Variants in ZAN observed in about 807,000 individuals in gnomAD.
ZAN encodes the protein zonadhesin, also known as zonadhesin (gene/pseudogene).
In ZAN, 260 loss-of-function variants were observed where a neutral mutation model predicts 286.2. The observed-to-expected ratio is 0.91, with a 90% CI of 0.82 to 1.01. ZAN has a LOEUF of 1.01. ZAN is among the 50% of genes least tolerant of loss of function. ZAN has a pLI of 0.00. For synonymous variants in ZAN, 1,368 were observed against 1,417.5 expected (o/e 0.97, Z 0.79); for missense variants, 3,410 against 3,639.2 (o/e 0.94, Z 1.62).
At chr7:100,759,155 G>T (rs1163618871) in intron 17 of ZAN, among the ~76,000 whole-genome samples, 1 of 151,986 alleles carries the variant, frequency 6.6e-6, no homozygotes. Flanking sequence ...AACCTGGGAG[G>T]CGGAGGTTGC....
At chr7:100,757,011 G>A (rs1206256940) in intron 15 of ZAN, among the ~76,000 whole-genome samples, 2 of 152,152 alleles carry the variant, frequency 1.3e-5, no homozygotes, top group East Asian at 1.9e-4. Flanking sequence ...CAGGCGATCC[G>A]CCCGCCTCAG....
chr7:100,757,144 G>A (rs941245468), intron 15 of ZAN, among the ~76,000 whole-genome samples: 3 of 151,484 alleles, frequency 2.0e-5, no homozygotes, highest in Non-Finnish European at 4.4e-5. Context: ...GTGTTTTTTT[G>A]GTTTGTTTTT....
chr7:100,753,129 A>G lies in ZAN; in HGVS notation c.3024A>G (p.Thr1008=), dbSNP rs1230453624. 1.2e-6 allele frequency: 2 copies of G among 1,613,894 alleles called. No individual in the cohort carries two copies. The highest frequency in any genetic ancestry group is 1.7e-6 in the Non-Finnish European group (2 of 1,179,876). ...TALRPPHPSP[T]ATGLAALVMS... is the part of the protein sequence containing the mutation. Reference sequence around the variant, plus strand: ...TGAGGCCACCCCATCCCAGCCCCACAGCCACTGGGCTGGCAGCCTTGGTGA... The same window carrying G: ...TGAGGCCACCCCATCCCAGCCCCACGGCCACTGGGCTGGCAGCCTTGGTGA... Residue 1008 remains threonine (T), a synonymous_variant, in exon 14 of 48, where the codon ACA becomes ACG. Coordinates refer to ENST00000613979, the MANE Select transcript of ZAN (RefSeq NM_003386.3).
At chr7:100,793,262 C>T (rs1469601070) in intron 42 of ZAN, among the ~76,000 whole-genome samples, 1 of 148,726 alleles carries the variant, frequency 6.7e-6, no homozygotes, top group Non-Finnish European at 1.5e-5. Context: ...TCATTGGAAC[C>T]CAGGAGTTGG....
chr7:100,734,159 T>C lies in ZAN; in HGVS notation c.-10T>C, dbSNP rs1488004295. The C allele has an allele frequency of 6.9e-7, 1 of 1,451,964 alleles. No individual in the cohort carries two copies. The highest frequency in any genetic ancestry group is 2.1e-5 in the Admixed American group (1 of 48,348). The allele number at this position is 1,451,964 out of a possible 1,614,324, so 89.9% of individuals were successfully genotyped here. A position where few individuals can be genotyped will look rare whatever the true frequency, so the allele number is the denominator to read the frequency against. Reference sequence around the variant, plus strand: ...CCCCTCTCCCCTGGGAGCAACCACTTAGGGTCCTCATGGTTCCTCCAGTCT... The same window carrying C: ...CCCCTCTCCCCTGGGAGCAACCACTCAGGGTCCTCATGGTTCCTCCAGTCT... On this transcript the variant is annotated 5_prime_UTR_variant, in exon 2 of 48. Coordinates refer to ENST00000613979, the MANE Select transcript of ZAN (RefSeq NM_003386.3).
intron 27 of ZAN, 115 bp downstream of exon 27, chr7:100,768,836 A>G: frequency 1.2e-6 from 1 of 814,278 alleles, no homozygotes; most frequent in African/African-American, 1.7e-5. Context: ...GTACCTCCCA[A>G]CTGGCAGGAA....
chr7:100,768,701 A>C lies in ZAN; in HGVS notation c.5133A>C (p.Leu1711Phe). Residue 1711 changes from leucine to phenylalanine, a missense_variant, in exon 27 of 48, where the codon TTA (leucine) becomes TTC (phenylalanine). This residue lies in a region of ZAN where 1,042 missense variants were observed against 1,058.0 expected (regional missense o/e 0.98). Coordinates refer to ENST00000613979, the MANE Select transcript of ZAN (RefSeq NM_003386.3). ...TGCAGCTGGGGGCCGCCTGGAAGTTACCTGAATCCTCTGAACCTGGGTGAG... is the reference window on the plus strand; with the variant it reads ...TGCAGCTGGGGGCCGCCTGGAAGTTCCCTGAATCCTCTGAACCTGGGTGAG... ...DSMQLGAAWK[L>F]PESSEPGCFL... 6.2e-7 allele frequency: 1 copy of C among 1,603,610 alleles called. No homozygotes were observed. The highest frequency in any genetic ancestry group is 8.5e-7 in the Non-Finnish European group (1 of 1,175,268).
rs77523702 is a variant in ZAN, at chr7:100,756,136, A to G, written c.3309+726A>G. Among the ~76,000 whole-genome samples the G allele has an allele frequency of 5.2e-3, 788 of 152,350 alleles. 8 individuals are homozygous for G. Among genetic ancestry groups the G allele is most frequent in the African/African-American group, 0.017 (725 of 41,592 alleles). On this transcript the variant is annotated intron_variant, in intron 15 of 47. Transcript: ENST00000613979. ...TCTTTTATCCATATTTATAAAGTGT[A>G]CACAGTAAGATTTTCTACCTCATAT...
At position 100,788,130 on chromosome 7, in the gene ZAN, G is replaced by T; in HGVS notation, c.7221G>T (p.Glu2407Asp). The change falls in exon 38 of 48, where the codon GAG becomes GAT. Residue 2407 changes from glutamate to aspartate, a missense_variant. By Grantham distance (45) the Glu-to-Asp change is conservative (BLOSUM62 2). This residue lies in a region of ZAN where 1,289 missense variants were observed against 1,314.3 expected (regional missense o/e 0.98). Transcript: ENST00000613979. ...GYKVQLQAGL[E>D]LVVNNQKMAV... ...AAGTGCAGCTCCAAGCTGGTCTGGA[G>T]CTTGTGGTAAGAGCTGGGCCAGGGC... 1 of 1,494,334 alleles carries T rather than the reference G, an allele frequency of 6.7e-7. No individual in the cohort carries two copies. The highest frequency in any genetic ancestry group is 2.3e-5 in the East Asian group (1 of 43,072). The allele number at this position is 1,494,334 out of a possible 1,614,324, so 92.6% of individuals were successfully genotyped here.
In ZAN at chr7:100,752,099, C is replaced by G; in HGVS notation, c.1994C>G (p.Thr665Ser). The G allele has an allele frequency of 6.2e-7, 1 of 1,612,686 alleles. No individual in the cohort carries two copies. The highest frequency in any genetic ancestry group is 8.5e-7 in the Non-Finnish European group (1 of 1,179,674). ...TVPTEEPTTP[T>S]EETTTSMEEP... ...CCCACAGAAGAGCCCACCACCCCCA[C>G]TGAGGAGACCACCACCTCCATGGAA... is the stretch of plus-strand genomic sequence containing the variant. Residue 665 changes from threonine to serine, a missense_variant, in exon 14 of 48, where the codon ACT (threonine) becomes AGT (serine). Thr to Ser is a moderately conservative substitution (Grantham distance 58). Transcript: ENST00000613979.
intron 39 of ZAN, 106 bp from the exon 40 acceptor site, chr7:100,790,836 T>G: frequency 7.8e-7 from 1 of 1,276,006 alleles, no homozygotes; most frequent in Non-Finnish European, 1.0e-6. Context: ...TGAGCCAAGA[T>G]CACACAACTG....
intron 39 of ZAN, 81 bp downstream of exon 39, chr7:100,789,428 C>A: frequency 6.4e-7 from 1 of 1,571,310 alleles, no homozygotes; most frequent in Non-Finnish European, 8.6e-7. Context: ...ACAGGCAAAT[C>A]CTGGTGAGCA....
chr7:100,788,026 G>C lies in ZAN; in HGVS notation c.7117G>C (p.Val2373Leu). 1.3e-6 allele frequency: 2 copies of C among 1,569,032 alleles called. No individual in the cohort carries two copies. Among genetic ancestry groups the C allele is most frequent in the Non-Finnish European group, 1.7e-6 (2 of 1,149,408 alleles). ...GCCTGAGGGGGTGGAGCCCCTCCTC[G>C]TGGAAGGACGCAACAAGATGGATCC... ...VLPEGVEPLL[V>L]EGRNKMDPPR... Residue 2373 changes from valine to leucine, a missense_variant, in exon 38 of 48, where the codon GTG becomes CTG. Coordinates refer to ENST00000613979, the MANE Select transcript of ZAN (RefSeq NM_003386.3).
chr7:100,794,750 T>C (rs1261190695), intron 44 of ZAN, among the ~76,000 whole-genome samples: 1 of 151,660 alleles, frequency 6.6e-6, no homozygotes, highest in Non-Finnish European at 1.5e-5. Context: ...GGTGGGAAGA[T>C]CACTTAAGCC....
At position 100,794,169 on chromosome 7, in the gene ZAN, C is replaced by T. The variant is rs879516026; in HGVS notation, c.8036C>T (p.Ala2679Val). 6.2e-7 allele frequency: 1 copy of T among 1,614,026 alleles called. No homozygotes were observed. Among genetic ancestry groups the T allele is most frequent in the Middle Eastern group, 1.7e-4 (1 of 6,060 alleles). Residue 2679 changes from alanine to valine, a missense_variant, in exon 44 of 48, where the codon GCC becomes GTC. Physicochemically the swap from Ala to Val is moderately conservative, Grantham distance 64. This residue lies in a region of ZAN where 1,289 missense variants were observed against 1,314.3 expected (regional missense o/e 0.98). Coordinates refer to ENST00000613979, the MANE Select transcript of ZAN (RefSeq NM_003386.3). ...GACTGCTCTCAGCGGTGCACCTGTG[C>T]CAGCTCACGGATCCTGCTGTGTGAG... ...TEDCSQRCTC[A>V]SSRILLCEPF...
At position 100,784,845 on chromosome 7, in the gene ZAN, A is replaced by C. The variant is rs1188608840; in HGVS notation, c.6834+11A>C. The C allele has an allele frequency of 3.6e-5, 56 of 1,574,844 alleles. No individual in the cohort carries two copies. Among genetic ancestry groups the C allele is most frequent in the Non-Finnish European group, 4.8e-5 (56 of 1,158,184 alleles). On this transcript the variant is annotated intron_variant, in intron 36 of 47. Coordinates refer to ENST00000613979, the MANE Select transcript of ZAN (RefSeq NM_003386.3). ...GGTGGCTCCATCCCTGTGAGTGGGC[A>C]TGGGAAATGGGACTGGAGGCAACAC...
chr7:100,747,469 T>C, intron 8 of ZAN, 81 bp from the exon 9 acceptor site: 1 of 1,146,000 alleles, frequency 8.7e-7, no homozygotes, highest in Non-Finnish European at 1.3e-6. Flanking sequence ...TGCCCTCTGC[T>C]CCTCATCCTC....
intron 7 of ZAN, among the ~76,000 whole-genome samples, chr7:100,745,618 G>T (rs1808159566): frequency 3.9e-5 from 6 of 152,054 alleles, no homozygotes; most frequent in Admixed American, 3.9e-4. Flanking sequence ...GGGTGTAGTG[G>T]CTCAAGCCTG....
chr7:100,765,239 C>T (rs531418392), intron 22 of ZAN, 113 bp from the exon 23 acceptor site: 3 of 1,213,874 alleles, frequency 2.5e-6, no homozygotes, highest in Admixed American at 2.2e-5. Flanking sequence ...TCTCTCTTCT[C>T]GAGATTGGCC....
Sources: allele counts gnomAD v4.1 joint callset (sites outside exome capture counted in the v4.1 genomes callset), GRCh38; gene constraint gnomAD v4.1.1; regional missense constraint gnomAD v4.1.1; transcripts MANE v1.5; gene names NCBI Gene and HGNC (gene_info 2026-07-23, HGNC 2026-07-21).